MYO18B: variants seen among roughly 807,000 people sequenced by gnomAD.
The protein encoded by MYO18B is unconventional myosin-XVIIIb.
In MYO18B, 204 loss-of-function variants were observed where a neutral mutation model predicts 273.0. The ratio of observed to expected loss-of-function variants is 0.75; its 90% CI spans 0.67 to 0.84. The LOEUF is 0.84. Among genes scored for constraint, MYO18B ranks in the 40% least tolerant of loss-of-function variants. MYO18B has a pLI of 0.00. For synonymous variants in MYO18B, 1,330 were observed against 1,305.7 expected (o/e 1.02, Z -0.40); for missense variants, 3,212 against 3,287.6 (o/e 0.98, Z 0.56).
intron 40 of MYO18B, among the ~76,000 whole-genome samples, chr22:25,999,003 G>GTT (rs1324089514): frequency 1.3e-5 from 2 of 152,000 alleles, no homozygotes; most frequent in Non-Finnish European, 2.9e-5. Flanking sequence ...AATGATAATT[G>GTT]TAACAATAGG....
chr22:26,036,164 C>T, the MYO18B span, among the ~76,000 whole-genome samples: 1 of 152,206 alleles, frequency 6.6e-6, no homozygotes, highest in East Asian at 1.9e-4. Flanking sequence ...GATTAATGGC[C>T]TGGCCAAGCT....
In MYO18B at chr22:25,992,488, T is replaced by C. The variant is rs368052083; in HGVS notation, c.6282T>C (p.Thr2094=). ...LEEVASSDSD[T]ESVQTAVDCG... is the part of the protein sequence containing the mutation. ...AAGTGGCATCCAGTGACAGTGATAC[T>C]GAGAGGTAACTTGCTAGGGGCTCGG... Residue 2094 remains threonine (T), a synonymous_variant, in exon 40 of 44, where the codon ACT becomes ACC. Transcript: ENST00000335473. 33 of 1,613,958 alleles carry C rather than the reference T, an allele frequency of 2.0e-5. No homozygotes were observed. In the African/African-American group the frequency reaches 4.3e-4, roughly 21 times the overall value.
rs938556413 is a variant in MYO18B at position 25,846,216 on chromosome 22, G to C, written c.3485G>C (p.Arg1162Thr). ...CTGCAGAGGAGCCGCATGGTGAGGAGGACCTTTGCCAGCAGCCTTGCCGCG... is the reference window on the plus strand; with the variant it reads ...CTGCAGAGGAGCCGCATGGTGAGGACGACCTTTGCCAGCAGCCTTGCCGCG... Reference protein sequence around the residue: ...QALQRSRMVRRTFASSLAAVR... With the variant: ...QALQRSRMVRTTFASSLAAVR... Residue 1162 changes from arginine to threonine, a missense_variant, in exon 19 of 44, where the codon AGG becomes ACG. Physicochemically the swap from Arg to Thr is moderately conservative, Grantham distance 71 (BLOSUM62 -1). Coordinates refer to ENST00000335473, the MANE Select transcript of MYO18B (RefSeq NM_032608.7). The C allele has an allele frequency of 7.4e-6, 12 of 1,612,526 alleles. No homozygotes were observed. In the Admixed American group the frequency reaches 1.8e-4, roughly 25 times the overall value.
intron 38 of MYO18B, among the ~76,000 whole-genome samples, 182 bp downstream of exon 38, chr22:25,952,605 C>T (rs1257904929): frequency 6.6e-6 from 1 of 152,208 alleles, no homozygotes; most frequent in African/African-American, 2.4e-5. Flanking sequence ...CTCAAGCCAC[C>T]TACCCATTTA....
intron 21 of MYO18B, 26 bp downstream of exon 21, chr22:25,851,605 T>C: frequency 2.1e-6 from 3 of 1,463,380 alleles, no homozygotes; most frequent in Non-Finnish European, 2.8e-6. Context: ...GCGAGAGGGG[T>C]GAAGGCCCTA....
chr22:25,806,990 A>G (rs1330205860), intron 12 of MYO18B, among the ~76,000 whole-genome samples: 3 of 152,226 alleles, frequency 2.0e-5, no homozygotes, highest in Admixed American at 6.5e-5. Context: ...CTTGGCACAT[A>G]CGAGGTATTC....
At chr22:25,813,370 C>G (rs1256311520) in intron 12 of MYO18B, among the ~76,000 whole-genome samples, 2 of 151,984 alleles carry the variant, frequency 1.3e-5, no homozygotes, top group South Asian at 2.1e-4. Context: ...CTTTTCTTCT[C>G]CTCTGTGCCT....
chr22:25,819,935 C>G (rs1269769094), intron 12 of MYO18B, among the ~76,000 whole-genome samples: 2 of 149,438 alleles, frequency 1.3e-5, no homozygotes, highest in Non-Finnish European at 3.0e-5. Context: ...CTAATAAGTA[C>G]TGAGCTTTTT....
intron 40 of MYO18B, among the ~76,000 whole-genome samples, chr22:26,002,153 G>T (rs1035593662): frequency 2.0e-5 from 3 of 152,152 alleles, no homozygotes; most frequent in Non-Finnish European, 2.9e-5. Context: ...TTCTTTAAAA[G>T]GGCTAGATAG....
intron 42 of MYO18B, among the ~76,000 whole-genome samples, chr22:26,020,561 G>A (rs1935723594): frequency 6.6e-6 from 1 of 152,180 alleles, no homozygotes; most frequent in East Asian, 1.9e-4. Context: ...TAAAATTTAT[G>A]TTATACTGTT....
chr22:26,030,945 A>G lies in MYO18B; in HGVS notation c.*515A>G. The G allele has an allele frequency of 2.5e-6, 1 of 398,432 alleles. No homozygotes were observed. The allele number at this position is 398,432 out of a possible 1,614,324, so 24.7% of individuals were successfully genotyped here. A position where few individuals can be genotyped will look rare whatever the true frequency, so the allele number is the denominator to read the frequency against. Reference sequence around the variant, plus strand: ...TATTCCTTTGCCAATTCATTTCTCTATCCTGTGTATGTATAAGTGTGTACA... The same window carrying G: ...TATTCCTTTGCCAATTCATTTCTCTGTCCTGTGTATGTATAAGTGTGTACA... On this transcript the variant is annotated 3_prime_UTR_variant, in exon 44 of 44. Transcript: ENST00000335473.
intron 38 of MYO18B, chr22:25,953,524 G>C (rs1453399405): frequency 6.6e-6 from 1 of 152,058 alleles, no homozygotes; most frequent in East Asian, 1.9e-4. Flanking sequence ...GGGGCATCTG[G>C]TCTCCAATAA....
At chr22:25,862,815 A>G (rs532144411) in intron 21 of MYO18B, among the ~76,000 whole-genome samples, 86 of 149,666 alleles carry the variant, frequency 5.7e-4, no homozygotes, top group African/African-American at 2.1e-3. Context: ...TTGGAATTCA[A>G]TGACCCGCTA....
rs548096059 is a variant in MYO18B, at chr22:25,996,241, C to G, written c.6287+3748C>G. 5.3e-5 allele frequency among the ~76,000 whole-genome samples: 8 copies of G among 152,294 alleles called. No homozygotes were observed. In the South Asian group the frequency reaches 1.7e-3, roughly 32 times the overall value. ...AGTGAAAAAGTATGGCTTCCTAGCACATTACCTTGCACATAGTAGGGGCTC... is the reference window on the plus strand; with the variant it reads ...AGTGAAAAAGTATGGCTTCCTAGCAGATTACCTTGCACATAGTAGGGGCTC... On this transcript the variant is annotated intron_variant, in intron 40 of 43. Transcript: ENST00000335473.
intron 11 of MYO18B, among the ~76,000 whole-genome samples, chr22:25,790,936 C>A (rs1412588237): frequency 1.3e-5 from 2 of 152,276 alleles, no homozygotes; most frequent in Non-Finnish European, 2.9e-5. Context: ...CTGAGTAGTA[C>A]TGTGGACCCA....
intron 42 of MYO18B, among the ~76,000 whole-genome samples, chr22:26,017,515 G>T (rs780426673): frequency 1.3e-5 from 2 of 151,914 alleles, no homozygotes; most frequent in African/African-American, 4.8e-5. Flanking sequence ...TATCAGTATC[G>T]CACTTAGGAA....
At chr22:26,031,962 T>G (rs1251017941), downstream of MYO18B, among the ~76,000 whole-genome samples, 2 of 152,164 alleles carry the variant, frequency 1.3e-5, no homozygotes, top group Non-Finnish European at 2.9e-5. Flanking sequence ...CCAGGACCTC[T>G]GCGGAGTCAG....
At chr22:25,909,773 G>A (rs919432651) in intron 32 of MYO18B, among the ~76,000 whole-genome samples, 1 of 152,152 alleles carries the variant, frequency 6.6e-6, no homozygotes, top group African/African-American at 2.4e-5. Context: ...TGACTGCTCT[G>A]TTCAGTCTAT....
At chr22:25,842,861 GA>G (rs2145992216) in intron 17 of MYO18B, among the ~76,000 whole-genome samples, 2 of 152,252 alleles carry the variant, frequency 1.3e-5, no homozygotes, top group East Asian at 3.9e-4. Context: ...TGCCAAGCAT[GA>G]TGCTGGGCAC....
Sources: allele counts gnomAD v4.1 joint callset (sites outside exome capture counted in the v4.1 genomes callset), GRCh38; gene constraint gnomAD v4.1.1; transcripts MANE v1.5; gene names NCBI Gene and HGNC (gene_info 2026-07-23, HGNC 2026-07-21).